Variants in COL8A1 observed in about 807,000 individuals in gnomAD.
COL8A1 encodes collagen type VIII alpha 1 chain.
Under a neutral mutation model 42.7 loss-of-function variants are expected in COL8A1, and 21 were observed. The observed-to-expected ratio is 0.49, with a 90% CI of 0.35 to 0.71. The LOEUF (loss-of-function observed/expected upper bound fraction) is 0.71, where lower values mean the gene tolerates loss of function less well. Ranked by LOEUF, COL8A1 falls within the 30% of genes least tolerant of loss-of-function variation. The probability of loss-of-function intolerance (pLI) is 0.01; values close to 1 mark genes in which losing one functional copy is unlikely to be tolerated. For missense variants in COL8A1, 788 were observed against 962.4 expected, an observed-to-expected ratio of 0.82 and a Z score of 2.40; for synonymous variants, 367 against 369.1, an observed-to-expected ratio of 0.99 and a Z score of 0.06.
At chr3:99,715,670 C>T (rs951591577) in intron 1 of COL8A1, among the ~76,000 whole-genome samples, 3 of 151,860 alleles carry the variant, frequency 2.0e-5, no homozygotes, top group East Asian at 1.9e-4. Context: ...TTGTTGGAGC[C>T]GGAGCTACAT....
intron 1 of COL8A1, among the ~76,000 whole-genome samples, chr3:99,702,629 T>G (rs746143239): frequency 1.3e-5 from 2 of 152,230 alleles, no homozygotes; most frequent in Non-Finnish European, 2.9e-5. Context: ...TCAGGTACTA[T>G]TCTAAGTACT....
rs144628074 is a variant in COL8A1, at chr3:99,666,683, T to C, written c.-129+28019T>C. On this transcript the variant is annotated intron_variant, in intron 1 of 3. Transcript: ENST00000652472. ...CCACTTTCTGTTGAAATTTGTCTCA[T>C]ATGCTTATACAACCCACTTCCCTCT... 5.9e-5 allele frequency among the ~76,000 whole-genome samples: 9 copies of C among 152,346 alleles called. No homozygotes were observed. In the East Asian group the frequency reaches 1.7e-3, roughly 29 times the overall value.
At chr3:99,720,320 T>C (rs1456005827) in intron 1 of COL8A1, among the ~76,000 whole-genome samples, 1 of 152,084 alleles carries the variant, frequency 6.6e-6, no homozygotes, top group African/African-American at 2.4e-5. Flanking sequence ...TATTTTCTAA[T>C]ATTGAATGAC....
At chr3:99,741,433 T>C (rs1281156441) in intron 1 of COL8A1, among the ~76,000 whole-genome samples, 2 of 152,224 alleles carry the variant, frequency 1.3e-5, no homozygotes, top group Non-Finnish European at 2.9e-5. Context: ...GCTCCAGCTA[T>C]CTTTGCTGCA....
Position 99,762,326 on chromosome 3 carries a change from G to A in COL8A1, c.-4+17305G>A, listed in dbSNP as rs116705141. ...CACTCCTAACATTTGTCATGCTTTG[G>A]GCAAAAGTACAAATAAAGGTCGAGA... is the stretch of plus-strand genomic sequence containing the variant. On this transcript the variant is annotated intron_variant, in intron 2 of 3. Coordinates refer to ENST00000652472, the MANE Select transcript of COL8A1 (RefSeq NM_020351.4). Among the ~76,000 whole-genome samples, 325 of 152,046 alleles carry A rather than the reference G, an allele frequency of 2.1e-3. 4 individuals are homozygous for A. The highest frequency in any genetic ancestry group is 7.6e-3 in the African/African-American group (314 of 41,464).
chr3:99,723,859 C>A (rs1417102973), intron 1 of COL8A1, among the ~76,000 whole-genome samples: 2 of 152,140 alleles, frequency 1.3e-5, no homozygotes, highest in Admixed American at 1.3e-4. Flanking sequence ...CACACAAATT[C>A]TCTTCATCTT....
At chr3:99,742,312 TA>T (rs1452138430) in intron 1 of COL8A1, among the ~76,000 whole-genome samples, 1 of 152,234 alleles carries the variant, frequency 6.6e-6, no homozygotes, top group African/African-American at 2.4e-5. Context: ...CAAATCTAAC[TA>T]AATAATTCTT....
rs1340717705 is a variant in COL8A1, at chr3:99,736,240, T to A, written c.-128-8657T>A. Among the ~76,000 whole-genome samples, 4 of 152,218 alleles carry A rather than the reference T, an allele frequency of 2.6e-5. No individual in the cohort carries two copies. The East Asian group carries it at 5.8e-4, about 22-fold the overall frequency. On this transcript the variant is annotated intron_variant, in intron 1 of 3. Transcript: ENST00000652472. ...GCTTTTCTAGTTCCTTTAATTGTGA[T>A]GTTAGGGTGTCAATTTTGGATCTTT...
At chr3:99,748,288 C>A (rs1006745877) in intron 2 of COL8A1, among the ~76,000 whole-genome samples, 1 of 152,166 alleles carries the variant, frequency 6.6e-6, no homozygotes, top group African/African-American at 2.4e-5. Flanking sequence ...AATATGATAG[C>A]CACTAACCAC....
intron 2 of COL8A1, among the ~76,000 whole-genome samples, chr3:99,750,372 T>TCA (rs998565014): frequency 6.6e-6 from 1 of 152,106 alleles, no homozygotes; most frequent in African/African-American, 2.4e-5. Flanking sequence ...TTCCTAATGT[T>TCA]CATGTTTACC....
Position 99,692,900 on chromosome 3 carries a change from T to A in COL8A1, c.-128-51997T>A, listed in dbSNP as rs184885705. Among the ~76,000 whole-genome samples, 31 of 152,388 alleles carry A rather than the reference T, an allele frequency of 2.0e-4. No individual in the cohort carries two copies. In the East Asian group the frequency reaches 5.8e-3, roughly 28 times the overall value. Reference sequence around the variant, plus strand: ...CATGGCTGGACGCGTGGCTCACGCCTGTAATCCCAACACTTTGGGAGGCCA... The same window carrying A: ...CATGGCTGGACGCGTGGCTCACGCCAGTAATCCCAACACTTTGGGAGGCCA... On this transcript the variant is annotated intron_variant, in intron 1 of 3. Transcript: ENST00000652472.
intron 1 of COL8A1, among the ~76,000 whole-genome samples, chr3:99,656,535 C>T (rs1938027883): frequency 1.3e-5 from 2 of 150,626 alleles, no homozygotes; most frequent in Admixed American, 6.6e-5. Context: ...GTCTGTTGGA[C>T]TTTGTTCCTA....
At chr3:99,720,369 T>C (rs1940116556) in intron 1 of COL8A1, among the ~76,000 whole-genome samples, 1 of 152,092 alleles carries the variant, frequency 6.6e-6, no homozygotes. Flanking sequence ...GGTGGTAAGA[T>C]AGATATGGAA....
intron 1 of COL8A1, among the ~76,000 whole-genome samples, chr3:99,654,039 C>T (rs1352869889): frequency 6.6e-6 from 1 of 152,062 alleles, no homozygotes. Context: ...AGTCTGTGGC[C>T]GAGGGCCTGA....
At chr3:99,715,408 G>A (rs772764143) in intron 1 of COL8A1, among the ~76,000 whole-genome samples, 2 of 152,080 alleles carry the variant, frequency 1.3e-5, no homozygotes, top group Non-Finnish European at 2.9e-5. Flanking sequence ...GAGAAACAAG[G>A]GAAAGAGGAG....
At chr3:99,693,360 G>T (rs1576433633) in intron 1 of COL8A1, among the ~76,000 whole-genome samples, 1 of 152,142 alleles carries the variant, frequency 6.6e-6, no homozygotes, top group Non-Finnish European at 1.5e-5. Context: ...CTGTAAAACA[G>T]CCTCAGGCAG....
intron 1 of COL8A1, among the ~76,000 whole-genome samples, chr3:99,725,175 T>C (rs1433025663): frequency 6.6e-6 from 1 of 152,000 alleles, no homozygotes; most frequent in African/African-American, 2.4e-5. Context: ...TTAAGGGCAA[T>C]GTATTTTGAT....
intron 1 of COL8A1, chr3:99,703,488 G>T (rs1015197051): frequency 6.6e-6 from 1 of 152,112 alleles, no homozygotes; most frequent in Admixed American, 6.6e-5. Context: ...GATCACTAGG[G>T]GTTGTCCTAA....
chr3:99,673,306 G>A lies in COL8A1; in HGVS notation c.-129+34642G>A, dbSNP rs564449047. Among the ~76,000 whole-genome samples the A allele has an allele frequency of 5.3e-5, 8 of 152,144 alleles. No individual in the cohort carries two copies. The South Asian group carries it at 1.7e-3, about 32-fold the overall frequency. On this transcript the variant is annotated intron_variant, in intron 1 of 3. Transcript: ENST00000652472. ...GTATCACTTACTTTGATGCCAAAAT[G>A]TGAGGAAGAGGGGCTTGGTTGCCCT...
Sources: allele counts gnomAD v4.1 joint callset (sites outside exome capture counted in the v4.1 genomes callset), GRCh38; gene constraint gnomAD v4.1.1; transcripts MANE v1.5; gene names NCBI Gene and HGNC (gene_info 2026-07-23, HGNC 2026-07-21).